Variants in PHF24 observed in about 807,000 individuals in gnomAD.
The protein encoded by PHF24 is PHD finger protein 24.
PHF24 carries 25 observed loss-of-function variants against 42.6 expected under a neutral mutation model. The ratio of observed to expected loss-of-function variants is 0.59; its 90% CI spans 0.43 to 0.82. PHF24 has a LOEUF of 0.82. Among genes scored for constraint, PHF24 ranks in the 40% least tolerant of loss-of-function variants. The pLI is 0.00. For missense variants in PHF24, 470 were observed against 538.1 expected, an observed-to-expected ratio of 0.87 and a Z score of 1.25; for synonymous variants, 185 against 204.8, an observed-to-expected ratio of 0.90 and a Z score of 0.83.
chr9:34,893,383 C>G, the PHF24 span, among the ~76,000 whole-genome samples: 1 of 152,146 alleles, frequency 6.6e-6, no homozygotes, highest in South Asian at 2.1e-4. Context: ...GATGGATCAC[C>G]TGAGGTCAGG....
chr9:34,950,264 C>T, the PHF24 span, among the ~76,000 whole-genome samples: 4 of 148,894 alleles, frequency 2.7e-5, no homozygotes, highest in Admixed American at 2.0e-4. Context: ...AGGGGAATCG[C>T]GTAAACCCAA....
chr9:34,915,239 C>G, the PHF24 span, among the ~76,000 whole-genome samples: 1 of 151,686 alleles, frequency 6.6e-6, no homozygotes, highest in Non-Finnish European at 1.5e-5. Context: ...TCACCAGACA[C>G]ATTTATTTTA....
chr9:34,754,353 A>C, the PHF24 span, among the ~76,000 whole-genome samples: 1 of 152,176 alleles, frequency 6.6e-6, no homozygotes, highest in African/African-American at 2.4e-5. Context: ...CTGATTTATA[A>C]ATGGGCAAAA....
chr9:34,972,486 G>A lies in PHF24; in HGVS notation c.519G>A (p.Val173=), dbSNP rs780993917. Reference sequence around the variant, plus strand: ...TCCAAGGAGACAGTGCAGCGGAGGTGACGGAGATGGCCCACACAGAAACAG... The same window carrying A: ...TCCAAGGAGACAGTGCAGCGGAGGTAACGGAGATGGCCCACACAGAAACAG... The change falls in exon 3 of 8, where the codon GTG becomes GTA. Residue 173 remains valine, a synonymous_variant. Coordinates refer to ENST00000242315, the Ensembl canonical transcript of PHF24. 4 of 1,613,646 alleles carry A rather than the reference G, an allele frequency of 2.5e-6. No homozygotes were observed. The South Asian group carries it at 4.4e-5, about 18-fold the overall frequency.
the PHF24 span, among the ~76,000 whole-genome samples, chr9:34,715,888 TTCAG>T: frequency 7.9e-5 from 12 of 152,318 alleles, no homozygotes; most frequent in South Asian, 2.3e-3. Context: ...CCACATTCCC[TTCAG>T]TCTCAGGCCC....
chr9:34,812,115 A>G, the PHF24 span, among the ~76,000 whole-genome samples: 1 of 152,218 alleles, frequency 6.6e-6, no homozygotes, highest in Non-Finnish European at 1.5e-5. Flanking sequence ...ATGTGCTTGT[A>G]ATCCCAGCTA....
chr9:34,922,398 G>C, the PHF24 span: 4 of 1,407,338 alleles, frequency 2.8e-6, no homozygotes, highest in Non-Finnish European at 4.0e-6. Flanking sequence ...ATAGAACACG[G>C]AGAAGTTAAG....
the PHF24 span, chr9:34,709,647 C>G: frequency 2.0e-5 from 33 of 1,614,042 alleles, no homozygotes; most frequent in Non-Finnish European, 2.8e-5. Flanking sequence ...TGGGTCTGCA[C>G]ATAGCTCTGC....
chr9:34,957,320 G>T (rs1406273624), upstream of PHF24, among the ~76,000 whole-genome samples: 2 of 152,032 alleles, frequency 1.3e-5, no homozygotes, highest in African/African-American at 4.8e-5. Context: ...GAAAATAAAG[G>T]TATTTTAAAA....
At chr9:34,827,643 C>G in the PHF24 span, among the ~76,000 whole-genome samples, 4 of 152,166 alleles carry the variant, frequency 2.6e-5, no homozygotes, top group Non-Finnish European at 5.9e-5. Flanking sequence ...ATAAAGAAGT[C>G]ACAGTACTTC....
chr9:34,908,084 G>C, the PHF24 span, among the ~76,000 whole-genome samples: 1 of 152,070 alleles, frequency 6.6e-6, no homozygotes. Flanking sequence ...CTCGTGATCT[G>C]CCCGCCTCGG....
chr9:34,806,489 C>T, the PHF24 span, among the ~76,000 whole-genome samples: 2 of 152,150 alleles, frequency 1.3e-5, 1 homozygote, highest in Admixed American at 1.3e-4. Flanking sequence ...GACAGAGTCT[C>T]ACTCTGTCAC....
chr9:34,945,587 A>G, the PHF24 span, among the ~76,000 whole-genome samples: 7 of 152,152 alleles, frequency 4.6e-5, no homozygotes. Flanking sequence ...GTCTGCCCTC[A>G]TGAATAGACT....
chr9:34,747,708 A>T, the PHF24 span, among the ~76,000 whole-genome samples: 2 of 152,196 alleles, frequency 1.3e-5, no homozygotes, highest in African/African-American at 4.8e-5. Flanking sequence ...GGCAGTGTAA[A>T]TTGGTACAAC....
At chr9:34,727,119 T>G in the PHF24 span, 1 of 1,422,408 alleles carries the variant, frequency 7.0e-7, no homozygotes, top group Non-Finnish European at 9.2e-7. Context: ...GTTGTCTACC[T>G]GTCTGCTTTC....
At chr9:34,691,403 C>T in the PHF24 span, 1 of 469,808 alleles carries the variant, frequency 2.1e-6, no homozygotes, top group African/African-American at 2.0e-5. Context: ...CACCCTGCCC[C>T]CCTTCTTCCC....
chr9:34,821,614 C>T, the PHF24 span, among the ~76,000 whole-genome samples: 1 of 152,200 alleles, frequency 6.6e-6, no homozygotes, highest in South Asian at 2.1e-4. Context: ...CTCCATCAGG[C>T]TCTCTAACGC....
chr9:34,854,626 C>G, the PHF24 span, among the ~76,000 whole-genome samples: 4,483 of 152,212 alleles, frequency 0.029, 119 homozygotes, highest in African/African-American at 0.06. Context: ...TTTTATTATG[C>G]TGTAGTATGG....
the PHF24 span, among the ~76,000 whole-genome samples, chr9:34,772,865 A>C: frequency 6.6e-6 from 1 of 152,340 alleles, no homozygotes; most frequent in South Asian, 2.1e-4. Flanking sequence ...AATATGTAGA[A>C]ATATTTACAA....
Sources: allele counts gnomAD v4.1 joint callset (sites outside exome capture counted in the v4.1 genomes callset), GRCh38; gene constraint gnomAD v4.1.1; transcripts MANE v1.5; gene names NCBI Gene and HGNC (gene_info 2026-07-23, HGNC 2026-07-21).